The following MACF1 variants were observed in gnomAD, a reference collection of about 807,000 sequenced individuals.
The protein encoded by MACF1 is microtubule actin crosslinking factor 1, also known as microtubule-actin cross-linking factor 1.
MACF1 carries 193 observed loss-of-function variants against 854.8 expected under a neutral mutation model. That is an observed-to-expected ratio of 0.23 (90% CI 0.20 to 0.25). The LOEUF (loss-of-function observed/expected upper bound fraction) is 0.25, where lower values mean the gene tolerates loss of function less well. MACF1 is among the 10% of genes least tolerant of loss of function. The pLI, the probability that MACF1 is intolerant of heterozygous loss-of-function variation, is 1.00. For synonymous variants in MACF1, 3,185 were observed against 3,226.7 expected, an observed-to-expected ratio of 0.99 and a Z score of 0.44; for missense variants, 7,722 against 8,929.1, an observed-to-expected ratio of 0.86 and a Z score of 5.45.
chr1:39,249,922 AT>A, intron 2 of MACF1, 91 bp from the exon 3 acceptor site: 1 of 638,744 alleles, frequency 1.6e-6, no homozygotes, highest in Non-Finnish European at 2.7e-6. Flanking sequence ...AAATTCTTTA[AT>A]TTGTGTTTAC....
At position 39,337,253 on chromosome 1, in the gene MACF1, C is replaced by G. The variant is rs778570905; in HGVS notation, c.10137C>G (p.Asn3379Lys). 2.5e-6 allele frequency: 4 copies of G among 1,613,960 alleles called. No individual in the cohort carries two copies. The highest frequency in any genetic ancestry group is 1.6e-4 in the Middle Eastern group (1 of 6,084). The change falls in exon 38 of 101, where the codon AAC becomes AAG. Residue 3379 changes from asparagine to lysine, a missense_variant. Physicochemically the swap from Asn to Lys is moderately conservative, Grantham distance 94. Transcript: ENST00000564288. Reference protein sequence around the residue: ...KLVSYLSLLRNIEMRTKQIQP... With the variant: ...KLVSYLSLLRKIEMRTKQIQP... ...TATCCTATCTGTCTCTGTTACGGAA[C>G]ATTGAAATGAGGACCAAACAGATTC...
chr1:39,186,497 C>A (rs1323842034), intron 2 of MACF1, among the ~76,000 whole-genome samples: 1 of 152,032 alleles, frequency 6.6e-6, no homozygotes, highest in Non-Finnish European at 1.5e-5. Flanking sequence ...CATTTAAGAT[C>A]TTTCATAATC....
At chr1:39,383,610 G>A (rs1278260692) in intron 56 of MACF1, among the ~76,000 whole-genome samples, 1 of 152,156 alleles carries the variant, frequency 6.6e-6, no homozygotes, top group Non-Finnish European at 1.5e-5. Flanking sequence ...GGGCACGGTG[G>A]CTCATGCCTG....
Position 39,333,840 on chromosome 1 carries a change from A to C in MACF1, c.7252A>C (p.Lys2418Gln). Residue 2418 changes from lysine to glutamine, a missense_variant, in exon 37 of 101, where the codon AAA becomes CAA. Physicochemically the swap from Lys to Gln is moderately conservative, Grantham distance 53 (BLOSUM62 1). Transcript: ENST00000564288. ...TGGIIDLKRG[K>Q]KVSVTLASTL... is the part of the protein sequence containing the mutation. ...TGGAATTATTGATCTGAAACGAGGCAAAAAAGTTTCAGTAACTTTGGCCTC... is the reference window on the plus strand; with the variant it reads ...TGGAATTATTGATCTGAAACGAGGCCAAAAAGTTTCAGTAACTTTGGCCTC... The C allele has an allele frequency of 6.2e-7, 1 of 1,614,190 alleles. No individual in the cohort carries two copies. Among genetic ancestry groups the C allele is most frequent in the Non-Finnish European group, 8.5e-7 (1 of 1,180,026 alleles).
At chr1:39,147,044 C>T (rs1643481929) in intron 2 of MACF1, among the ~76,000 whole-genome samples, 1 of 150,756 alleles carries the variant, frequency 6.6e-6, no homozygotes, top group South Asian at 2.1e-4. Flanking sequence ...TTCTTCTTCT[C>T]CTCCTCCTGT....
At chr1:39,186,170 A>ATATCTCTCTCTCTC (rs1644165682) in intron 2 of MACF1, among the ~76,000 whole-genome samples, 1 of 109,960 alleles carries the variant, frequency 9.1e-6, no homozygotes. Flanking sequence ...GATTCTGAAC[A>ATATCTCTCTCTCTC]TCTCTCTCTC....
Position 39,337,765 on chromosome 1 carries a change from T to G in MACF1, c.10215+434T>G, listed in dbSNP as rs112224183. Among the ~76,000 whole-genome samples, 1,434 of 144,574 alleles carry G rather than the reference T, an allele frequency of 9.9e-3. 22 individuals carry two copies. The highest frequency in any genetic ancestry group is 0.061 in the East Asian group (290 of 4,790). The allele number at this position is 144,574 out of a possible 152,430, so 94.8% of individuals were successfully genotyped here. On this transcript the variant is annotated intron_variant, in intron 38 of 100. Coordinates refer to ENST00000564288, the MANE Select transcript of MACF1 (RefSeq NM_001394062.1). Reference sequence around the variant, plus strand: ...TTGTTTGTTTGTTTTTTGTGTTTTTTTGTGTGTGTGTGTTTTTTTTTTGAG... The same window carrying G: ...TTGTTTGTTTGTTTTTTGTGTTTTTGTGTGTGTGTGTGTTTTTTTTTTGAG...
intron 26 of MACF1, among the ~76,000 whole-genome samples, chr1:39,314,863 G>T (rs867803468): frequency 3.0e-4 from 46 of 152,276 alleles, no homozygotes; most frequent in Middle Eastern, 3.4e-3. Context: ...TTAGCCTAAA[G>T]GTATATCTAT....
At chr1:39,381,912 G>C (rs1173031707) in intron 55 of MACF1, 41 bp from the exon 56 acceptor site, 1 of 1,445,622 alleles carries the variant, frequency 6.9e-7, no homozygotes, top group Non-Finnish European at 9.7e-7. Flanking sequence ...GCCAGTTGTT[G>C]ATAATGTAAA....
At chr1:39,434,035 G>A (rs1048047948) in intron 68 of MACF1, among the ~76,000 whole-genome samples, 5 of 152,076 alleles carry the variant, frequency 3.3e-5, no homozygotes, top group African/African-American at 9.7e-5. Flanking sequence ...AGCTGAGATC[G>A]CGCCAGTGCA....
rs1162551013 is a variant in MACF1, at chr1:39,336,486, A to G, written c.9898A>G (p.Ser3300Gly). Residue 3300 changes from serine (S) to glycine (G), a missense_variant, in exon 37 of 101, where the codon AGT becomes GGT. Ser to Gly is a moderately conservative substitution (Grantham distance 56). Around this residue, in one of 15 missense-constraint regions of MACF1, gnomAD observed 854 missense variants for 852.6 expected, o/e 1.00. Coordinates refer to ENST00000564288, the MANE Select transcript of MACF1 (RefSeq NM_001394062.1). ...CATTAGTCCTACTGTTCTAGAGACCAGTGAAGAAAAGACAGTGTCCCTAAC... is the reference window on the plus strand; with the variant it reads ...CATTAGTCCTACTGTTCTAGAGACCGGTGAAGAAAAGACAGTGTCCCTAAC... ...AIISPTVLET[S>G]EEKTVSLTVC... 3.1e-6 allele frequency: 5 copies of G among 1,614,220 alleles called. No individual in the cohort carries two copies. The highest frequency in any genetic ancestry group is 4.2e-6 in the Non-Finnish European group (5 of 1,180,036).
chr1:39,314,372 G>A (rs1333073233), intron 26 of MACF1, among the ~76,000 whole-genome samples: 1 of 151,660 alleles, frequency 6.6e-6, no homozygotes, highest in Non-Finnish European at 1.5e-5. Context: ...TCGTGCCATT[G>A]CACTCCACCC....
chr1:39,175,580 T>C (rs1352582204), intron 2 of MACF1, among the ~76,000 whole-genome samples: 1 of 152,224 alleles, frequency 6.6e-6, no homozygotes, highest in East Asian at 1.9e-4. Flanking sequence ...CAAGTTTGCA[T>C]AGTTAAATGC....
At chr1:39,459,831 A>G in intron 91 of MACF1, 1 of 1,304,368 alleles carries the variant, frequency 7.7e-7, no homozygotes, top group East Asian at 5.5e-5. Flanking sequence ...CTATGCCTGG[A>G]AGTGAGTGTT....
chr1:39,421,708 A>C (rs1167083162), intron 58 of MACF1, among the ~76,000 whole-genome samples: 1 of 152,202 alleles, frequency 6.6e-6, no homozygotes, highest in Non-Finnish European at 1.5e-5. Context: ...TTTAGGATTC[A>C]TATACATTGC....
intron 2 of MACF1, among the ~76,000 whole-genome samples, chr1:39,189,577 A>C (rs1408291768): frequency 6.6e-6 from 1 of 152,120 alleles, no homozygotes; most frequent in Non-Finnish European, 1.5e-5. Context: ...TCTGTTTTTC[A>C]TTCTCTTCCT....
chr1:39,413,794 C>G (rs775869272), intron 58 of MACF1: 25 of 1,609,706 alleles, frequency 1.6e-5, no homozygotes, highest in African/African-American at 2.7e-5. Context: ...TGCTGCAGTG[C>G]CCACCCCAGC....
At chr1:39,468,203 C>G (rs1490102170) in intron 95 of MACF1, 2 of 158,168 alleles carry the variant, frequency 1.3e-5, no homozygotes, top group African/African-American at 4.8e-5. Context: ...GCCTGGCAAA[C>G]ATGTTGAAAC....
chr1:39,223,637 A>G (rs556652950), intron 1 of MACF1, among the ~76,000 whole-genome samples: 5 of 151,828 alleles, frequency 3.3e-5, no homozygotes, highest in Admixed American at 6.6e-5. Flanking sequence ...GCCTTGGCCA[A>G]CCAAGTAGCT....
Sources: allele counts gnomAD v4.1 joint callset (sites outside exome capture counted in the v4.1 genomes callset), GRCh38; gene constraint gnomAD v4.1.1; regional missense constraint gnomAD v4.1.1; transcripts MANE v1.5; gene names NCBI Gene and HGNC (gene_info 2026-07-23, HGNC 2026-07-21).